The following DNAH9 variants were observed in gnomAD, a reference collection of about 807,000 sequenced individuals.
DNAH9 encodes the protein dynein axonemal heavy chain 9.
In DNAH9, 345 loss-of-function variants were observed where a neutral mutation model predicts 471.6. The ratio of observed to expected loss-of-function variants is 0.73; its 90% CI spans 0.67 to 0.80. The LOEUF (loss-of-function observed/expected upper bound fraction) is 0.80, where lower values mean the gene tolerates loss of function less well. Among genes scored for constraint, DNAH9 ranks in the 30% least tolerant of loss-of-function variants. The pLI, the probability that DNAH9 is intolerant of heterozygous loss-of-function variation, is 0.00. For synonymous variants in DNAH9, 2,093 were observed against 2,123.6 expected (o/e 0.99, Z 0.40); for missense variants, 5,407 against 5,609.2 (o/e 0.96, Z 1.15).
intron 50 of DNAH9, among the ~76,000 whole-genome samples, chr17:11,858,881 C>T (rs1233544307): frequency 6.6e-6 from 1 of 151,810 alleles, no homozygotes; most frequent in Non-Finnish European, 1.5e-5. Flanking sequence ...GTTAGAAGTT[C>T]GAGACCAGCC....
rs114068373 is a variant in DNAH9, at chr17:11,962,695, T to C, written c.13233+439T>C. ...AGCTATCTCTGCTGCTGCTGCTGTG[T>C]GTCTGTCGCCCAGGCTGGAGTACAG... On this transcript the variant is annotated intron_variant, in intron 68 of 68. Coordinates refer to ENST00000262442, the MANE Select transcript of DNAH9 (RefSeq NM_001372.4). This position sits in a 1 kb window ranked among gnomAD's most constrained non-coding sequence, Gnocchi z 4.1. Among the ~76,000 whole-genome samples the C allele has an allele frequency of 3.0e-4, 45 of 151,308 alleles. No homozygotes were observed. The highest frequency in any genetic ancestry group is 1.1e-3 in the African/African-American group (45 of 40,636).
At chr17:11,786,978 C>T (rs1968895840) in intron 41 of DNAH9, among the ~76,000 whole-genome samples, 1 of 152,156 alleles carries the variant, frequency 6.6e-6, no homozygotes, top group African/African-American at 2.4e-5. Context: ...CTACGTGGTC[C>T]CCTCACTCTC....
At chr17:11,780,441 C>A (rs1240574630) in intron 38 of DNAH9, among the ~76,000 whole-genome samples, 1 of 152,228 alleles carries the variant, frequency 6.6e-6, no homozygotes, top group African/African-American at 2.4e-5. Context: ...AGGGGAGCGG[C>A]AGCCTTTATG....
At chr17:11,899,664 G>A (rs999435291) in intron 59 of DNAH9, among the ~76,000 whole-genome samples, 1 of 152,182 alleles carries the variant, frequency 6.6e-6, no homozygotes, top group Non-Finnish European at 1.5e-5. Context: ...TTGTGGAGAC[G>A]CCAGAGGGGG....
intron 56 of DNAH9, chr17:11,884,344 G>T: frequency 3.7e-6 from 1 of 267,100 alleles, no homozygotes; most frequent in Non-Finnish European, 7.6e-6. Context: ...AGAAGACGGG[G>T]TGTGATGGGA....
chr17:11,616,995 T>A (rs1253314987), intron 4 of DNAH9, among the ~76,000 whole-genome samples: 2 of 152,196 alleles, frequency 1.3e-5, no homozygotes, highest in Non-Finnish European at 2.9e-5. Flanking sequence ...TGATTACAGC[T>A]CTGCCTATTT....
At chr17:11,629,923 G>A (rs1375500590) in intron 7 of DNAH9, among the ~76,000 whole-genome samples, 3 of 152,228 alleles carry the variant, frequency 2.0e-5, no homozygotes, top group East Asian at 3.9e-4. Context: ...TTTAAGCTCA[G>A]TGAAAGAAGC....
intron 27 of DNAH9, among the ~76,000 whole-genome samples, chr17:11,726,503 A>G (rs1252174672): frequency 6.6e-6 from 1 of 152,110 alleles, no homozygotes; most frequent in African/African-American, 2.4e-5. Context: ...CGCGGAATAA[A>G]CTTTGTGAAG....
At chr17:11,809,482 C>T (rs1470128998) in intron 44 of DNAH9, among the ~76,000 whole-genome samples, 1 of 151,952 alleles carries the variant, frequency 6.6e-6, no homozygotes. Context: ...CAGGAGAATC[C>T]CTTGAACCCG....
chr17:11,624,584 T>A (rs186757237), intron 6 of DNAH9, among the ~76,000 whole-genome samples: 1 of 152,082 alleles, frequency 6.6e-6, no homozygotes, highest in African/African-American at 2.4e-5. Flanking sequence ...ATCTGATACA[T>A]AAATGAGCTC....
chr17:11,616,827 G>A (rs992176483), intron 4 of DNAH9, among the ~76,000 whole-genome samples: 1 of 152,174 alleles, frequency 6.6e-6, no homozygotes, highest in Non-Finnish European at 1.5e-5. Flanking sequence ...TCACACATCT[G>A]TGACTTCTTT....
chr17:11,620,527 A>AG (rs1449470564), intron 6 of DNAH9, among the ~76,000 whole-genome samples: 1 of 151,758 alleles, frequency 6.6e-6, no homozygotes, highest in African/African-American at 2.4e-5. Flanking sequence ...AAAAAAAAAA[A>AG]AAGAAGTTTT....
chr17:11,853,398 A>C (rs758648641), intron 49 of DNAH9, among the ~76,000 whole-genome samples: 3 of 152,028 alleles, frequency 2.0e-5, no homozygotes, highest in Admixed American at 6.6e-5. Flanking sequence ...GCCAAGATCA[A>C]CTCTTTCAGC....
intron 23 of DNAH9, among the ~76,000 whole-genome samples, chr17:11,700,875 C>T (rs2074580921): frequency 6.6e-6 from 1 of 152,166 alleles, no homozygotes; most frequent in Non-Finnish European, 1.5e-5. Flanking sequence ...CCCCCTTAAC[C>T]TGCTACTCTG....
At chr17:11,732,103 T>C (rs559136443) in intron 28 of DNAH9, among the ~76,000 whole-genome samples, 1 of 152,348 alleles carries the variant, frequency 6.6e-6, no homozygotes, top group East Asian at 1.9e-4. Flanking sequence ...AATGAGGCAG[T>C]GCCCAACAGC....
chr17:11,605,389 T>C (rs973802022), intron 1 of DNAH9, among the ~76,000 whole-genome samples: 1 of 152,202 alleles, frequency 6.6e-6, no homozygotes, highest in African/African-American at 2.4e-5. Flanking sequence ...TGTTCACGGG[T>C]GTATCCTCCT....
chr17:11,858,999 A>C (rs566577931), intron 50 of DNAH9, among the ~76,000 whole-genome samples: 2 of 148,016 alleles, frequency 1.4e-5, no homozygotes, highest in South Asian at 4.3e-4. Context: ...CAAGAGAATC[A>C]CTTGAACCCA....
Position 11,652,741 on chromosome 17 carries a change from A to G in DNAH9, c.2354-20A>G. 6.2e-7 allele frequency: 1 copy of G among 1,609,382 alleles called. No homozygotes were observed. The highest frequency in any genetic ancestry group is 8.5e-7 in the Non-Finnish European group (1 of 1,177,966). ...CCACTGCAGGCTATTTCAATTAATT[A>G]TGTTTCTTTTGGGGAACAGGCATTT... On this transcript the variant is annotated intron_variant, in intron 13 of 68. Coordinates refer to ENST00000262442, the MANE Select transcript of DNAH9 (RefSeq NM_001372.4).
intron 41 of DNAH9, among the ~76,000 whole-genome samples, chr17:11,790,982 A>G (rs1969044648): frequency 6.6e-6 from 1 of 152,052 alleles, no homozygotes; most frequent in African/African-American, 2.4e-5. Context: ...AAACTCACTG[A>G]TATCTGTGTT....
Sources: gnomAD v4.1 joint callset for allele counts (sites outside exome capture counted in the v4.1 genomes callset) on GRCh38, gnomAD v4.1.1 for gene constraint, Gnocchi (gnomAD v3.1) non-coding constraint, MANE v1.5 for transcripts, NCBI Gene and HGNC (gene_info 2026-07-23, HGNC 2026-07-21) for gene names.